REV3L: variants seen among roughly 807,000 people sequenced by gnomAD.
The protein encoded by REV3L is DNA polymerase zeta catalytic subunit.
REV3L carries 69 observed loss-of-function variants against 299.4 expected under a neutral mutation model. That is an observed-to-expected ratio of 0.23 (90% CI 0.19 to 0.28). REV3L has a LOEUF of 0.28. Among genes scored for constraint, REV3L ranks in the 10% least tolerant of loss-of-function variants. The pLI is 1.00. For synonymous variants in REV3L, 1,238 were observed against 1,271.4 expected, an observed-to-expected ratio of 0.97 and a Z score of 0.56; for missense variants, 3,128 against 3,693.8, an observed-to-expected ratio of 0.85 and a Z score of 3.97.
Position 111,392,907 on chromosome 6 carries a change from A to C in REV3L, c.631T>G (p.Leu211Val), listed in dbSNP as rs988969501. 2 of 1,612,508 alleles carry C rather than the reference A, an allele frequency of 1.2e-6. No individual in the cohort carries two copies. Among genetic ancestry groups the C allele is most frequent in the Non-Finnish European group, 1.7e-6 (2 of 1,178,772 alleles). ...ATTTCATCTTGTTCCCACCGAAATA[A>C]AGTATCAGCAAGAGAATTTCCTGAT... ...HLSGNSLADT[L>V]FRWEQDEIPS... The change falls in exon 5 of 32, where the codon TTA (leucine) becomes GTA (valine). Residue 211 changes from leucine to valine, a missense_variant. Physicochemically the swap from Leu to Val is conservative, Grantham distance 32 (BLOSUM62 1). Coordinates refer to ENST00000368802, the MANE Select transcript of REV3L (RefSeq NM_001372078.1).
chr6:111,322,768 T>C lies in REV3L; in HGVS notation c.8242-90A>G, dbSNP rs1774327184. ...ACATATAATACATTTAATTACTAAA[T>C]ATTTCCAGAAATGAAACGAGAAAAG... On this transcript the variant is annotated intron_variant, in intron 25 of 31. Transcript: ENST00000368802. 4 of 873,960 alleles carry C rather than the reference T, an allele frequency of 4.6e-6. No individual in the cohort carries two copies. The East Asian group carries it at 7.8e-5, about 17-fold the overall frequency. The allele number at this position is 873,960 out of a possible 1,614,324, so 54.1% of individuals were successfully genotyped here.
intron 30 of REV3L, chr6:111,308,110 T>G: frequency 2.9e-6 from 1 of 339,274 alleles, no homozygotes; most frequent in Non-Finnish European, 5.8e-6. Flanking sequence ...GCAAAGGACA[T>G]GAACTCATCC....
chr6:111,436,174 G>A (rs761926126), intron 1 of REV3L, among the ~76,000 whole-genome samples: 18 of 152,224 alleles, frequency 1.2e-4, no homozygotes, highest in East Asian at 5.8e-4. Context: ...GTGAGGATGC[G>A]GATAAAGGAG....
chr6:111,441,657 T>G (rs1562317543), intron 1 of REV3L, among the ~76,000 whole-genome samples: 1 of 152,246 alleles, frequency 6.6e-6, no homozygotes, highest in African/African-American at 2.4e-5. Context: ...CTCTGCCATA[T>G]CTAGCTGGGA....
intron 16 of REV3L, chr6:111,361,381 C>T (rs1778639827): frequency 8.4e-6 from 1 of 118,526 alleles, no homozygotes; most frequent in Non-Finnish European, 1.8e-5. Flanking sequence ...GAGACTATGT[C>T]TCAAACAAAA....
chr6:111,430,818 G>A (rs1429633197), intron 1 of REV3L: 40 of 1,608,630 alleles, frequency 2.5e-5, no homozygotes, highest in African/African-American at 4.0e-5. Flanking sequence ...CTGACCAGGC[G>A]GCTTGTGAAC....
At chr6:111,385,475 C>A (rs1313356089) in intron 9 of REV3L, among the ~76,000 whole-genome samples, 2 of 151,982 alleles carry the variant, frequency 1.3e-5, no homozygotes, top group African/African-American at 4.8e-5. Flanking sequence ...TGTAAGCACA[C>A]GTAAGCCTTA....
intron 31 of REV3L, among the ~76,000 whole-genome samples, chr6:111,302,117 AC>A (rs1454248627): frequency 2.0e-5 from 3 of 152,212 alleles, no homozygotes; most frequent in African/African-American, 7.2e-5. Context: ...CGAAGGGCAC[AC>A]TTTTTCTAAG....
rs761303551 is a variant in REV3L, at chr6:111,372,700, TG to T, written c.5654del (p.Pro1885GlnfsTer45). 1.2e-6 allele frequency: 2 copies of T among 1,603,434 alleles called. No individual in the cohort carries two copies. Among genetic ancestry groups the T allele is most frequent in the South Asian group, 1.1e-5 (1 of 88,600 alleles). On this transcript the variant is annotated frameshift_variant, in exon 13 of 32. Coordinates refer to ENST00000368802, the MANE Select transcript of REV3L (RefSeq NM_001372078.1). LOFTEE classifies it high-confidence loss of function. ...AAGTTGCCATAATTTCTTCCCTACT[TG>T]GGGGGGACATAAGTGGTTTCAGAAT... Reference protein sequence around the residue: ...ANILKPLMSPPSREEIMATLL... With the variant: ...ANILKPLMSPXSREEIMATLL...
chr6:111,481,988 T>C (rs907396227), intron 1 of REV3L, among the ~76,000 whole-genome samples: 9 of 152,220 alleles, frequency 5.9e-5, no homozygotes, highest in African/African-American at 2.2e-4. Flanking sequence ...AGTCTGGCTG[T>C]GGTTCCTAAT....
At chr6:111,335,903 T>C (rs970049544) in intron 21 of REV3L, among the ~76,000 whole-genome samples, 2 of 151,972 alleles carry the variant, frequency 1.3e-5, no homozygotes, top group Non-Finnish European at 2.9e-5. Flanking sequence ...GCTCTATTCT[T>C]TTTTTTTCTA....
At chr6:111,394,640 T>C (rs1021593024) in intron 4 of REV3L, among the ~76,000 whole-genome samples, 1 of 152,142 alleles carries the variant, frequency 6.6e-6, no homozygotes, top group Admixed American at 6.5e-5. Context: ...TTTGGTTGCC[T>C]GTGCTTTTGA....
intron 1 of REV3L, among the ~76,000 whole-genome samples, chr6:111,470,836 C>T (rs1486439211): frequency 6.6e-6 from 1 of 151,918 alleles, no homozygotes; most frequent in African/African-American, 2.4e-5. Flanking sequence ...AAAAAGTAGC[C>T]GGGTGTGGTG....
chr6:111,328,150 T>C (rs891359783), intron 25 of REV3L, among the ~76,000 whole-genome samples: 1 of 152,262 alleles, frequency 6.6e-6, no homozygotes, highest in Non-Finnish European at 1.5e-5. Context: ...AGTCATTCTA[T>C]GAAAAATGTC....
At chr6:111,425,575 C>T (rs1786079679) in intron 1 of REV3L, among the ~76,000 whole-genome samples, 1 of 152,096 alleles carries the variant, frequency 6.6e-6, no homozygotes, top group Admixed American at 6.6e-5. Flanking sequence ...AACTTGAGAA[C>T]TGCTACATAA....
rs778031974 is a variant in REV3L at position 111,374,433 on chromosome 6, A to T, written c.3922T>A (p.Leu1308Met). 1.9e-6 allele frequency: 3 copies of T among 1,613,892 alleles called. No individual in the cohort carries two copies. Among genetic ancestry groups the T allele is most frequent in the African/African-American group, 2.7e-5 (2 of 74,928 alleles). The change falls in exon 13 of 32, where the codon TTG (leucine) becomes ATG (methionine). Residue 1308 changes from leucine to methionine, a missense_variant. By Grantham distance (15) the Leu-to-Met change is conservative. This residue lies in a region of REV3L where 2,409 missense variants were observed against 2,611.8 expected (regional missense o/e 0.92). Transcript: ENST00000368802. ...SFLESKKSVD[L>M]QTFPSSRDDL... The stretch of plus-strand genomic sequence containing the variant: ...TCTCGTGAACTGGGGAATGTCTGCA[A>T]ATCTACAGACTTCTTGCTTTCTAAG...
chr6:111,429,732 G>A (rs17510534), intron 1 of REV3L, among the ~76,000 whole-genome samples: 27 of 152,264 alleles, frequency 1.8e-4, no homozygotes, highest in South Asian at 1.7e-3. Context: ...CCCCGCTCCC[G>A]CCCTCGGCTC....
intron 1 of REV3L, among the ~76,000 whole-genome samples, chr6:111,466,891 G>T (rs1791579529): frequency 6.6e-6 from 1 of 151,986 alleles, no homozygotes; most frequent in Non-Finnish European, 1.5e-5. Flanking sequence ...GTTTAAAAAG[G>T]ATTAACCAAG....
chr6:111,377,432 G>A (rs1293294140), intron 12 of REV3L, among the ~76,000 whole-genome samples: 1 of 152,094 alleles, frequency 6.6e-6, no homozygotes, highest in African/African-American at 2.4e-5. Context: ...AAACCCTTGG[G>A]CTCAAGTAAG....
Sources: gnomAD v4.1 joint callset for allele counts (sites outside exome capture counted in the v4.1 genomes callset) on GRCh38, gnomAD v4.1.1 for gene constraint, gnomAD v4.1.1 regional missense constraint, MANE v1.5 for transcripts, NCBI Gene and HGNC (gene_info 2026-07-23, HGNC 2026-07-21) for gene names.